The following ERCC6L2 variants were observed in gnomAD, a reference collection of about 807,000 sequenced individuals.
ERCC6L2 encodes ERCC excision repair 6 like 2.
A neutral mutation model predicts 132.0 loss-of-function variants in ERCC6L2; 77 were observed. The ratio of observed to expected loss-of-function variants is 0.58; its 90% confidence interval spans 0.49 to 0.71. ERCC6L2 has a LOEUF of 0.71. Among genes scored for constraint, ERCC6L2 ranks in the 30% least tolerant of loss-of-function variants. The probability of loss-of-function intolerance (pLI) is 0.00; values close to 1 mark genes in which losing one functional copy is unlikely to be tolerated. For synonymous variants in ERCC6L2, 583 were observed against 632.4 expected (o/e 0.92, Z 1.17); for missense variants, 1,542 against 1,837.6 (o/e 0.84, Z 2.94).
At chr9:95,954,710 A>G (rs1831510909) in intron 12 of ERCC6L2, 2 of 465,872 alleles carry the variant, frequency 4.3e-6, no homozygotes, top group Non-Finnish European at 8.9e-6. Flanking sequence ...TCTTAGATCC[A>G]TTTCTGGTTT....
At chr9:95,912,463 T>C (rs1234549437) in intron 4 of ERCC6L2, among the ~76,000 whole-genome samples, 4 of 152,206 alleles carry the variant, frequency 2.6e-5, no homozygotes, top group Admixed American at 2.0e-4. Flanking sequence ...TCTATGTCTA[T>C]GTCTTTGTGT....
chr9:95,921,448 T>C, intron 7 of ERCC6L2, 133 bp downstream of exon 7: 3 of 569,082 alleles, frequency 5.3e-6, no homozygotes, highest in Non-Finnish European at 8.1e-6. Context: ...TAAAAAATAG[T>C]TTTCAAAAAT....
intron 3 of ERCC6L2, among the ~76,000 whole-genome samples, chr9:95,898,564 G>A (rs545211304): frequency 3.3e-5 from 5 of 151,842 alleles, no homozygotes; most frequent in African/African-American, 9.7e-5. Flanking sequence ...TTATAAATAC[G>A]TTATATATGA....
Position 95,941,491 on chromosome 9 carries a change from G to T in ERCC6L2, c.1789G>T (p.Val597Phe). The change falls in exon 12 of 19, where the codon GTT (valine) becomes TTT (phenylalanine). Residue 597 changes from valine (V) to phenylalanine (F), a missense_variant. Physicochemically the swap from Val to Phe is conservative, Grantham distance 50. Coordinates refer to ENST00000653738, the MANE Select transcript of ERCC6L2 (RefSeq NM_020207.7). ...AGGCCTCAATTTTGTCGGTGCCAAT[G>T]TTGTTGTATTATTTGATCCTACTTG... ...GLGLNFVGAN[V>F]VVLFDPTWNP... 1 of 1,612,776 alleles carries T rather than the reference G, an allele frequency of 6.2e-7. No homozygotes were observed. The highest frequency in any genetic ancestry group is 8.5e-7 in the Non-Finnish European group (1 of 1,179,470).
At chr9:96,018,702 C>T (rs1212389276), downstream of ERCC6L2, among the ~76,000 whole-genome samples, 1 of 151,512 alleles carries the variant, frequency 6.6e-6, no homozygotes, top group Admixed American at 6.6e-5. Context: ...AACTTCTGGA[C>T]TCAAGCAATC....
At chr9:95,998,313 C>T (rs1000624444) in intron 17 of ERCC6L2, among the ~76,000 whole-genome samples, 3 of 152,146 alleles carry the variant, frequency 2.0e-5, no homozygotes, top group Admixed American at 6.5e-5. Context: ...AATTAATGCC[C>T]CCCTCAAAGA....
chr9:96,017,410 C>T lies in ERCC6L2; in HGVS notation c.*4207C>T, dbSNP rs778927904. Among the ~76,000 whole-genome samples, 8 of 152,102 alleles carry T rather than the reference C, an allele frequency of 5.3e-5. No individual in the cohort carries two copies. The highest frequency in any genetic ancestry group is 1.2e-4 in the Non-Finnish European group (8 of 67,946). On this transcript the variant is annotated 3_prime_UTR_variant, in exon 19 of 19. Coordinates refer to ENST00000653738, the MANE Select transcript of ERCC6L2 (RefSeq NM_020207.7). ...CCCCTAGGAGGAAAGACAGATTCGC[C>T]CTTCCTTCCCAAGTCCCAGGCTGTG...
intron 12 of ERCC6L2, among the ~76,000 whole-genome samples, chr9:95,949,376 A>AACC (rs1831220314): frequency 6.7e-6 from 1 of 149,474 alleles, no homozygotes; most frequent in Admixed American, 6.6e-5. Flanking sequence ...AGATAGTATA[A>AACC]ACCCAGTGAG....
At chr9:96,021,272 C>G (rs1834283938), downstream of ERCC6L2, 1 of 344,592 alleles carries the variant, frequency 2.9e-6, no homozygotes, top group East Asian at 8.5e-5. This position sits in a 1 kb window ranked among gnomAD's most constrained non-coding sequence, Gnocchi z 4.7. Flanking sequence ...CCGAATCAGG[C>G]TGCTTTTCTC....
At chr9:95,918,140 C>T (rs752610320) in intron 6 of ERCC6L2, 42 of 455,298 alleles carry the variant, frequency 9.2e-5, no homozygotes, top group Non-Finnish European at 1.4e-4. Context: ...ATAAAAATAG[C>T]TTCCAAAAGA....
intron 17 of ERCC6L2, among the ~76,000 whole-genome samples, chr9:95,984,168 A>G (rs140642195): frequency 0.025 from 3,709 of 149,908 alleles, 50 homozygotes; most frequent in East Asian, 0.04. Context: ...TATAATGTAT[A>G]TATGTTACAT....
downstream of ERCC6L2, among the ~76,000 whole-genome samples, chr9:96,019,406 G>A (rs368073133): frequency 1.8e-4 from 27 of 151,968 alleles, no homozygotes; most frequent in East Asian, 3.7e-3. Flanking sequence ...CTTCCTCTCC[G>A]TCCACCACTC....
rs1203585820 is a variant in ERCC6L2, at chr9:96,012,589, G to A, written c.4039G>A (p.Glu1347Lys). 1 of 1,367,578 alleles carries A rather than the reference G, an allele frequency of 7.3e-7. No individual in the cohort carries two copies. Among genetic ancestry groups the A allele is most frequent in the South Asian group, 1.1e-5 (1 of 88,042 alleles). The allele number at this position is 1,367,578 out of a possible 1,614,324, so 84.7% of individuals were successfully genotyped here. Residue 1347 changes from glutamate to lysine, a missense_variant, in exon 19 of 19, where the codon GAA (glutamate) becomes AAA (lysine). This residue lies in a region of ERCC6L2 where 442 missense variants were observed against 583.4 expected (regional missense o/e 0.76). Transcript: ENST00000653738. ...GTTTCAGAATCATATTTCCTATAGA[G>A]AAGAGGTGTTTTTTAATGATGCAGA... ...VKFQNHISYR[E>K]EVFFNDAETK...
chr9:96,036,687 GT>G (rs1834522051), intron 19 of ERCC6L2, among the ~76,000 whole-genome samples: 2 of 151,500 alleles, frequency 1.3e-5, no homozygotes, highest in African/African-American at 4.9e-5. Flanking sequence ...ATTAGTTGAT[GT>G]TTTTTTCCTA....
At chr9:95,886,340 G>A (rs1827865846) in intron 2 of ERCC6L2, among the ~76,000 whole-genome samples, 1 of 151,768 alleles carries the variant, frequency 6.6e-6, no homozygotes, top group South Asian at 2.1e-4. Context: ...GTATACATAG[G>A]ATGATGATCA....
intron 12 of ERCC6L2, among the ~76,000 whole-genome samples, chr9:95,947,878 C>T (rs559994080): frequency 1.3e-5 from 2 of 151,520 alleles, no homozygotes; most frequent in East Asian, 3.9e-4. Context: ...ACCTACTGCT[C>T]AGAAAAAAAA....
At chr9:95,922,962 T>G (rs1829940504) in intron 8 of ERCC6L2, among the ~76,000 whole-genome samples, 1 of 152,184 alleles carries the variant, frequency 6.6e-6, no homozygotes, top group East Asian at 1.9e-4. Flanking sequence ...CATAAGAATT[T>G]GATATTGTTC....
chr9:95,941,155 A>G (rs749746175), intron 11 of ERCC6L2, among the ~76,000 whole-genome samples: 10 of 152,168 alleles, frequency 6.6e-5, no homozygotes, highest in African/African-American at 2.4e-5. Context: ...TTTAAAAATT[A>G]TATTAGGAAA....
chr9:96,030,968 G>T lies in ERCC6L2; in HGVS notation c.*1504-7908G>T, dbSNP rs79661014. On this transcript the variant is annotated intron_variant and NMD_transcript_variant, in intron 19 of 20. Transcript: ENST00000670016. ...CCGGACAGGCCCTGGTGCTTGTCGC[G>T]CCCCCTGCTTCCAGGGGTCTGTGAG... Among the ~76,000 whole-genome samples, 1,087 of 152,228 alleles carry T rather than the reference G, an allele frequency of 7.1e-3. 13 individuals are homozygous for T. The highest frequency in any genetic ancestry group is 0.025 in the African/African-American group (1,046 of 41,524).
Sources: allele counts gnomAD v4.1 joint callset (sites outside exome capture counted in the v4.1 genomes callset), GRCh38; gene constraint gnomAD v4.1.1; regional missense constraint gnomAD v4.1.1; non-coding constraint Gnocchi (gnomAD v3.1); transcripts MANE v1.5; gene names NCBI Gene and HGNC (gene_info 2026-07-23, HGNC 2026-07-21).